Variants in WASF3 observed in about 807,000 individuals in gnomAD.
WASF3 encodes WASP family member 3.
WASF3 carries 11 observed loss-of-function variants against 46.6 expected under a neutral mutation model. The observed-to-expected ratio is 0.24, with a 90% CI of 0.15 to 0.39. The LOEUF is 0.39. WASF3 is among the 10% of genes least tolerant of loss of function. WASF3 has a pLI of 1.00. For missense variants in WASF3, 576 were observed against 669.8 expected (o/e 0.86, Z 1.55); for synonymous variants, 242 against 259.7 (o/e 0.93, Z 0.65).
intron 1 of WASF3, among the ~76,000 whole-genome samples, chr13:26,587,231 TG>T (rs1200679498): frequency 1.3e-5 from 2 of 151,352 alleles, no homozygotes; most frequent in African/African-American, 4.8e-5. Flanking sequence ...TCCTCATACT[TG>T]GAAAAATTGG....
chr13:26,643,148 C>T (rs751843682), intron 3 of WASF3, among the ~76,000 whole-genome samples: 22 of 152,256 alleles, frequency 1.4e-4, no homozygotes, highest in Admixed American at 2.6e-4. Context: ...TGAAGTTGCA[C>T]TATTTTCCCC....
chr13:26,675,662 G>T (rs1883048255), intron 6 of WASF3, among the ~76,000 whole-genome samples: 1 of 151,892 alleles, frequency 6.6e-6, no homozygotes, highest in South Asian at 2.1e-4. Context: ...GTGTGTGTGT[G>T]TGTGTGTGTG....
chr13:26,613,335 G>C (rs1461590301), intron 2 of WASF3, among the ~76,000 whole-genome samples: 3 of 151,680 alleles, frequency 2.0e-5, no homozygotes, highest in Non-Finnish European at 2.9e-5. Context: ...TGTAGTTTAT[G>C]ACTTATTAAG....
chr13:26,595,011 TG>T (rs1880419348), intron 1 of WASF3, among the ~76,000 whole-genome samples: 1 of 152,244 alleles, frequency 6.6e-6, no homozygotes, highest in Non-Finnish European at 1.5e-5. Flanking sequence ...ATAAGTACCT[TG>T]ATAACGTAGT....
rs145147553 is a variant in WASF3, at chr13:26,681,257, C to G, written c.920C>G (p.Pro307Arg). 60 of 1,613,268 alleles carry G rather than the reference C, an allele frequency of 3.7e-5. 1 individual carries two copies. Among genetic ancestry groups the G allele is most frequent in the Admixed American group, 5.0e-5 (3 of 59,970 alleles). The change falls in exon 8 of 10, where the codon CCG becomes CGG. Residue 307 changes from proline (P) to arginine (R), a missense_variant. This residue lies in a region of WASF3 where 295 missense variants were observed against 291.5 expected (regional missense o/e 1.01). Coordinates refer to ENST00000335327, the MANE Select transcript of WASF3 (RefSeq NM_006646.6). ...ALNRPQQPPP[P>R]PPPQAPEGSQ... is the part of the protein sequence containing the mutation. ...AACAGACCTCAGCAGCCGCCCCCCCCGCCTCCCCCTCAGGCCCCAGAGGGG... is the reference window on the plus strand; with the variant it reads ...AACAGACCTCAGCAGCCGCCCCCCCGGCCTCCCCCTCAGGCCCCAGAGGGG...
At chr13:26,539,926 G>A in the WASF3 span, among the ~76,000 whole-genome samples, 1 of 152,148 alleles carries the variant, frequency 6.6e-6, no homozygotes, top group African/African-American at 2.4e-5. Flanking sequence ...CCCTTCAAGG[G>A]GCAGGTCTAT....
intron 2 of WASF3, among the ~76,000 whole-genome samples, chr13:26,636,244 G>A (rs1448735102): frequency 6.6e-6 from 1 of 152,248 alleles, no homozygotes; most frequent in African/African-American, 2.4e-5. Context: ...CTGTCAGGCT[G>A]CTTCCTCACA....
chr13:26,594,249 A>C (rs1593136827), intron 1 of WASF3, among the ~76,000 whole-genome samples: 1 of 152,178 alleles, frequency 6.6e-6, no homozygotes, highest in Non-Finnish European at 1.5e-5. Flanking sequence ...AGCGAGGGCT[A>C]ATTTATGGCC....
intron 2 of WASF3, among the ~76,000 whole-genome samples, chr13:26,627,019 G>A (rs866053242): frequency 6.0e-5 from 8 of 134,302 alleles, no homozygotes; most frequent in Non-Finnish European, 9.1e-5. Context: ...AACCAAGAAA[G>A]TAGAAAGTAG....
chr13:26,587,955 GA>G (rs1013643471), intron 1 of WASF3, among the ~76,000 whole-genome samples: 2 of 151,792 alleles, frequency 1.3e-5, no homozygotes, highest in African/African-American at 4.8e-5. Flanking sequence ...GACTTAAAAA[GA>G]AAAAAGACTA....
At chr13:26,605,532 CTT>C (rs748176655) in intron 1 of WASF3, among the ~76,000 whole-genome samples, 33 of 152,012 alleles carry the variant, frequency 2.2e-4, no homozygotes, top group Non-Finnish European at 4.4e-4. Flanking sequence ...AAAAAAATAA[CTT>C]TCACAAATGT....
At chr13:26,628,800 A>G (rs373645006) in intron 2 of WASF3, among the ~76,000 whole-genome samples, 42 of 152,324 alleles carry the variant, frequency 2.8e-4, no homozygotes, top group Admixed American at 3.3e-4. Flanking sequence ...GGGAAGCACA[A>G]AGTTCCCCTG....
At chr13:26,539,207 G>C in the WASF3 span, among the ~76,000 whole-genome samples, 1 of 152,138 alleles carries the variant, frequency 6.6e-6, no homozygotes, top group Non-Finnish European at 1.5e-5. Flanking sequence ...GAGCCTGGAG[G>C]ACAAATGCAG....
At chr13:26,659,303 G>C (rs927196109) in intron 3 of WASF3, among the ~76,000 whole-genome samples, 1 of 152,188 alleles carries the variant, frequency 6.6e-6, no homozygotes, top group Non-Finnish European at 1.5e-5. Context: ...GGAGAAGGGG[G>C]ATGCTTGGGT....
Position 26,607,110 on chromosome 13 carries a change from C to G in WASF3, c.-108-5851C>G, listed in dbSNP as rs75828192. ...TTTAGTATATAGGGTTTAGTACTAT[C>G]CGCAGTTTTAGGCATCTGCTGAGTG... is the stretch of plus-strand genomic sequence containing the variant. On this transcript the variant is annotated intron_variant, in intron 1 of 9. Coordinates refer to ENST00000335327, the MANE Select transcript of WASF3 (RefSeq NM_006646.6). Among the ~76,000 whole-genome samples the G allele has an allele frequency of 5.3e-5, 8 of 152,252 alleles. No individual in the cohort carries two copies. The East Asian group carries it at 1.4e-3, about 26-fold the overall frequency.
chr13:26,613,748 G>A (rs1003458457), intron 2 of WASF3, among the ~76,000 whole-genome samples: 4 of 152,142 alleles, frequency 2.6e-5, no homozygotes, highest in Admixed American at 2.0e-4. Context: ...CCAGCCTGGC[G>A]ACAGAGTGAG....
intron 1 of WASF3, among the ~76,000 whole-genome samples, chr13:26,562,027 T>G (rs930294247): frequency 2.0e-5 from 3 of 152,254 alleles, no homozygotes; most frequent in Admixed American, 2.0e-4. Flanking sequence ...GGACATTAAG[T>G]ACTTACGTTT....
intron 1 of WASF3, among the ~76,000 whole-genome samples, chr13:26,583,861 GTTGCCA>G (rs1880053609): frequency 6.6e-6 from 1 of 152,174 alleles, no homozygotes; most frequent in African/African-American, 2.4e-5. Flanking sequence ...CAGAAGTGTG[GTTGCCA>G]CTCAAGTAGC....
intron 1 of WASF3, among the ~76,000 whole-genome samples, chr13:26,561,819 GT>G (rs1211087014): frequency 6.6e-6 from 1 of 152,188 alleles, no homozygotes; most frequent in Non-Finnish European, 1.5e-5. Flanking sequence ...GCTGTAGCAC[GT>G]GAAAATCAGT....
Sources: allele counts gnomAD v4.1 joint callset (sites outside exome capture counted in the v4.1 genomes callset), GRCh38; gene constraint gnomAD v4.1.1; regional missense constraint gnomAD v4.1.1; transcripts MANE v1.5; gene names NCBI Gene and HGNC (gene_info 2026-07-23, HGNC 2026-07-21).